PELI1: variants seen among roughly 807,000 people sequenced by gnomAD.
PELI1 encodes pellino E3 ubiquitin protein ligase 1.
A neutral mutation model predicts 41.3 loss-of-function variants in PELI1; 15 were observed. That is an observed-to-expected ratio of 0.36 (90% CI 0.24 to 0.56). The LOEUF (loss-of-function observed/expected upper bound fraction) is 0.56. Ranked by LOEUF, PELI1 falls within the 20% of genes least tolerant of loss-of-function variation. The pLI, the probability that PELI1 is intolerant of heterozygous loss-of-function variation, is 0.82. For synonymous variants in PELI1, 178 were observed against 180.1 expected (o/e 0.99, Z 0.09); for missense variants, 403 against 525.5 (o/e 0.77, Z 2.28).
chr2:64,141,775 C>G (rs1681921825), intron 1 of PELI1, among the ~76,000 whole-genome samples: 1 of 152,170 alleles, frequency 6.6e-6, no homozygotes, highest in African/African-American at 2.4e-5. Context: ...ACTTCCTACC[C>G]CGTACTTTTC....
At chr2:64,139,007 A>G (rs997901806) in intron 1 of PELI1, among the ~76,000 whole-genome samples, 16 of 152,238 alleles carry the variant, frequency 1.1e-4, no homozygotes, top group African/African-American at 3.9e-4. Context: ...AAACCCACAC[A>G]TCACATTTTA....
intron 1 of PELI1, among the ~76,000 whole-genome samples, chr2:64,115,279 G>T (rs1680956808): frequency 6.6e-6 from 1 of 152,160 alleles, no homozygotes; most frequent in African/African-American, 2.4e-5. Flanking sequence ...TTGGAGGCTA[G>T]ATAAGTATCT....
chr2:64,102,363 C>CAT (rs141461980), intron 3 of PELI1, among the ~76,000 whole-genome samples: 3,692 of 151,942 alleles, frequency 0.024, 53 homozygotes, highest in Non-Finnish European at 0.037. Context: ...CACACATATA[C>CAT]ATATATATAT....
intron 1 of PELI1, among the ~76,000 whole-genome samples, chr2:64,134,560 G>A (rs1681657812): frequency 1.3e-5 from 2 of 152,160 alleles, no homozygotes; most frequent in Non-Finnish European, 2.9e-5. Context: ...CAAAAGATAC[G>A]TATTTAACAC....
intron 2 of PELI1, among the ~76,000 whole-genome samples, chr2:64,105,733 T>A (rs896011862): frequency 6.6e-6 from 1 of 152,268 alleles, no homozygotes; most frequent in African/African-American, 2.4e-5. Flanking sequence ...TGTCATTCTT[T>A]ACTGCTTCAT....
chr2:64,101,054 T>G (rs938425192), intron 3 of PELI1, among the ~76,000 whole-genome samples: 1 of 152,092 alleles, frequency 6.6e-6, no homozygotes, highest in Non-Finnish European at 1.5e-5. Context: ...ATCAAACCAC[T>G]AGACTCCCTT....
intron 2 of PELI1, among the ~76,000 whole-genome samples, chr2:64,107,857 T>C (rs1028069497): frequency 1.1e-4 from 17 of 152,260 alleles, no homozygotes; most frequent in South Asian, 6.2e-4. Flanking sequence ...TTTGTGTTTT[T>C]AGTAGAGATG....
intron 1 of PELI1, among the ~76,000 whole-genome samples, chr2:64,118,343 C>T (rs1681072564): frequency 6.6e-6 from 1 of 152,100 alleles, no homozygotes; most frequent in Non-Finnish European, 1.5e-5. Flanking sequence ...AACTTAACAT[C>T]CATTTTATAC....
Position 64,138,778 on chromosome 2 carries a change from C to T in PELI1, c.-70+5303G>A, listed in dbSNP as rs191395481. The stretch of plus-strand genomic sequence containing the variant: ...GCAAAAAACTGCATCCTCCTCCGAA[C>T]CTCATACACATATCCCATTTATTCT... On this transcript the variant is annotated intron_variant, in intron 1 of 6. Coordinates refer to ENST00000358912, the MANE Select transcript of PELI1 (RefSeq NM_020651.4). Among the ~76,000 whole-genome samples the T allele has an allele frequency of 9.9e-5, 15 of 152,236 alleles. No homozygotes were observed. The East Asian group carries it at 2.9e-3, about 29-fold the overall frequency.
intron 1 of PELI1, among the ~76,000 whole-genome samples, chr2:64,120,959 C>G: frequency 6.6e-6 from 1 of 152,204 alleles, no homozygotes; most frequent in East Asian, 1.9e-4. Flanking sequence ...AAATGAACCA[C>G]CCTTTATCAC....
chr2:64,140,696 A>G (rs146148186), intron 1 of PELI1, among the ~76,000 whole-genome samples: 2 of 151,492 alleles, frequency 1.3e-5, no homozygotes, highest in Admixed American at 1.3e-4. Context: ...TAAACAACAA[A>G]AAGTATTTAG....
chr2:64,111,544 AT>A (rs1400394490), intron 1 of PELI1, among the ~76,000 whole-genome samples: 1 of 152,190 alleles, frequency 6.6e-6, no homozygotes, highest in Non-Finnish European at 1.5e-5. Context: ...TGCTGAAGAG[AT>A]TTTAATTCAT....
intron 1 of PELI1, among the ~76,000 whole-genome samples, chr2:64,132,829 A>G (rs1681597881): frequency 6.6e-6 from 1 of 152,198 alleles, no homozygotes; most frequent in Non-Finnish European, 1.5e-5. Flanking sequence ...CTATAGCAGT[A>G]GCACACCCAG....
chr2:64,125,032 T>C (rs1465422415), intron 1 of PELI1, among the ~76,000 whole-genome samples: 1 of 135,736 alleles, frequency 7.4e-6, no homozygotes, highest in African/African-American at 2.8e-5. Context: ...TTAAAAAGAA[T>C]GCAACCCAGG....
At chr2:64,139,353 T>A (rs994428482) in intron 1 of PELI1, among the ~76,000 whole-genome samples, 6 of 152,232 alleles carry the variant, frequency 3.9e-5, no homozygotes, top group Admixed American at 2.6e-4. Flanking sequence ...TTGCCCAGGC[T>A]GGAGTGCAGT....
At chr2:64,101,473 T>G (rs1190008873) in intron 3 of PELI1, among the ~76,000 whole-genome samples, 2 of 152,230 alleles carry the variant, frequency 1.3e-5, no homozygotes, top group East Asian at 3.8e-4. Context: ...TTCAAGTGTT[T>G]TCTATGTATA....
chr2:64,133,363 G>C (rs941220948), intron 1 of PELI1, among the ~76,000 whole-genome samples: 3 of 152,100 alleles, frequency 2.0e-5, no homozygotes, highest in African/African-American at 7.2e-5. Context: ...ACTTTCTATA[G>C]GCAAATTATT....
chr2:64,134,842 AT>A (rs1681663963), intron 1 of PELI1, among the ~76,000 whole-genome samples: 1 of 152,138 alleles, frequency 6.6e-6, no homozygotes, highest in Non-Finnish European at 1.5e-5. Flanking sequence ...AGCACTTTCA[AT>A]TGTTTTCACT....
intron 3 of PELI1, among the ~76,000 whole-genome samples, chr2:64,102,827 G>T (rs948140159): frequency 1.3e-5 from 2 of 149,884 alleles, no homozygotes; most frequent in South Asian, 2.1e-4. Context: ...TAAAGAGGAG[G>T]AGTCAATCTT....
Sources: allele counts gnomAD v4.1 joint callset (sites outside exome capture counted in the v4.1 genomes callset), GRCh38; gene constraint gnomAD v4.1.1; transcripts MANE v1.5; gene names NCBI Gene and HGNC (gene_info 2026-07-23, HGNC 2026-07-21).